The following HEXA variants were observed in gnomAD, a reference collection of about 807,000 sequenced individuals.
HEXA encodes the protein beta-hexosaminidase subunit alpha.
A neutral mutation model predicts 73.3 loss-of-function variants in HEXA; 54 were observed. The observed-to-expected ratio is 0.74, with a 90% CI of 0.59 to 0.92. The LOEUF is 0.92. HEXA is among the 40% of genes least tolerant of loss of function. The pLI is 0.00. For missense variants in HEXA, 649 were observed against 653.0 expected (o/e 0.99, Z 0.07); for synonymous variants, 230 against 246.9 (o/e 0.93, Z 0.64).
Position 72,349,177 on chromosome 15 carries a change from A to G in HEXA, c.888T>C (p.Asn296=), listed in dbSNP as rs752260651. The change falls in exon 8 of 14, where the codon AAT becomes AAC. Residue 296 remains asparagine, a synonymous_variant. Transcript: ENST00000268097. ...AGAATGTGCTCATGAACTCATAGGTATTATTGAGACTGGGATTCACTGGTC... is the reference window on the plus strand; with the variant it reads ...AGAATGTGCTCATGAACTCATAGGTGTTATTGAGACTGGGATTCACTGGTC... The part of the protein sequence containing the change: ...TFGPVNPSLN[N]TYEFMSTFFL... 56 of 1,613,492 alleles carry G rather than the reference A, an allele frequency of 3.5e-5. No homozygotes were observed. Among genetic ancestry groups the G allele is most frequent in the Non-Finnish European group, 4.6e-5 (54 of 1,179,486 alleles).
chr15:72,370,768 G>C (rs2088981647), intron 1 of HEXA: 1 of 394,986 alleles, frequency 2.5e-6, no homozygotes, highest in Admixed American at 4.4e-5. Flanking sequence ...AAGACTGCAG[G>C]CCAAGCTAAT....
Position 72,343,843 on chromosome 15 carries a change from A to C in HEXA, c.*234T>G, listed in dbSNP as rs2088577135. ...TCCAGCCTGGCTGTGCCCTTACCCT[A>C]ACGCCATTCACACTTTTTTTTTTAA... On this transcript the variant is annotated 3_prime_UTR_variant, in exon 14 of 14. Transcript: ENST00000268097. The C allele has an allele frequency of 2.1e-6, 1 of 483,608 alleles. No homozygotes were observed. The highest frequency in any genetic ancestry group is 3.8e-6 in the Non-Finnish European group (1 of 262,900). The allele number at this position is 483,608 out of a possible 1,614,324, so 30.0% of individuals were successfully genotyped here.
intron 3 of HEXA, 91 bp downstream of exon 3, chr15:72,355,468 G>A (rs1051417583): frequency 2.6e-5 from 23 of 894,472 alleles, no homozygotes; most frequent in South Asian, 2.1e-4. Flanking sequence ...AGAGGTTGCA[G>A]TGAGCAGGGA....
rs2088577662 is a variant in HEXA, at chr15:72,343,892, T to C, written c.*185A>G. The stretch of plus-strand genomic sequence containing the variant: ...AAACACAGGTAATCCATGTTTATTA[T>C]AGAAAAATGCCACATTACTCTTTAT... On this transcript the variant is annotated 3_prime_UTR_variant, in exon 14 of 14. Coordinates refer to ENST00000268097, the MANE Select transcript of HEXA (RefSeq NM_000520.6). 1 of 588,198 alleles carries C rather than the reference T, an allele frequency of 1.7e-6. No homozygotes were observed. Among genetic ancestry groups the C allele is most frequent in the Non-Finnish European group, 3.1e-6 (1 of 326,020 alleles). 36.4% of individuals were successfully genotyped at this position (588,198 alleles called of 1,614,324 possible).
In HEXA at chr15:72,353,709, C is replaced by CCAAA; in HGVS notation, c.437_440dup (p.Trp147CysfsTer6). 6.2e-7 allele frequency: 1 copy of CCAAA among 1,613,246 alleles called. No homozygotes were observed. Among genetic ancestry groups the CCAAA allele is most frequent in the Non-Finnish European group, 8.5e-7 (1 of 1,179,198 alleles). On this transcript the variant is annotated frameshift_variant, in exon 4 of 14. Transcript: ENST00000268097. LOFTEE classifies it high-confidence loss of function. ...CACTTACTGTGCCCTCAGCAGATTT[C>CCAAA]CAAACAAGCTGGCTAAAAGTCTCCA...
At position 72,343,924 on chromosome 15, in the gene HEXA, C is replaced by A. The variant is rs868362186; in HGVS notation, c.*153G>T. 4 of 659,114 alleles carry A rather than the reference C, an allele frequency of 6.1e-6. No homozygotes were observed. The Middle Eastern group carries it at 1.2e-3, about 201-fold the overall frequency. The allele number at this position is 659,114 out of a possible 1,614,324, so 40.8% of individuals were successfully genotyped here. ...ATGCCACATTACTCTTTATTGAATGCGAGCGCCAGCACCGGCCCCTTTCTC... is the reference window on the plus strand; with the variant it reads ...ATGCCACATTACTCTTTATTGAATGAGAGCGCCAGCACCGGCCCCTTTCTC... On this transcript the variant is annotated 3_prime_UTR_variant, in exon 14 of 14. Transcript: ENST00000268097.
chr15:72,370,510 G>GT (rs1180020528), intron 1 of HEXA: 7 of 396,048 alleles, frequency 1.8e-5, no homozygotes, highest in African/African-American at 1.0e-4. Context: ...GGGCAACACA[G>GT]TAAGACCCCC....
At position 72,341,789 on chromosome 15, in the gene HEXA, T is replaced by C. The variant is rs1003969835; in HGVS notation, c.*2288A>G. ...GACGACCTTCAGGTAAATGCTCTTA[T>C]GATCAGTGGACCAAAGGAGCAACGG... On this transcript the variant is annotated 3_prime_UTR_variant, in exon 14 of 14. Coordinates refer to ENST00000268097, the MANE Select transcript of HEXA (RefSeq NM_000520.6). The C allele has an allele frequency of 6.6e-6, 1 of 152,186 alleles. No homozygotes were observed. Among genetic ancestry groups the C allele is most frequent in the African/African-American group, 2.4e-5 (1 of 41,436 alleles). 9.4% of individuals were successfully genotyped at this position (152,186 alleles called of 1,614,324 possible). A position where few individuals can be genotyped will look rare whatever the true frequency, so the allele number is the denominator to read the frequency against.
At chr15:72,349,646 G>A (rs545132349) in intron 7 of HEXA, among the ~76,000 whole-genome samples, 1 of 152,360 alleles carries the variant, frequency 6.6e-6, no homozygotes, top group African/African-American at 2.4e-5. Context: ...CCTCCTGTAG[G>A]TGGGGTCAAC....
chr15:72,349,072 C>T lies in HEXA; in HGVS notation c.986+7G>A. The T allele has an allele frequency of 6.2e-7, 1 of 1,611,984 alleles. No individual in the cohort carries two copies. The highest frequency in any genetic ancestry group is 8.5e-7 in the Non-Finnish European group (1 of 1,178,202). The stretch of plus-strand genomic sequence containing the variant: ...AGGCCACAGTGGGAAGATCAAAGGG[C>T]TCATACCAGCAGGTGAAATCAACCT... On this transcript the variant is annotated splice_region_variant and intron_variant, in intron 8 of 13. Coordinates refer to ENST00000268097, the MANE Select transcript of HEXA (RefSeq NM_000520.6).
chr15:72,348,903 C>A (rs1447029866), intron 8 of HEXA, among the ~76,000 whole-genome samples, 176 bp downstream of exon 8: 3 of 152,108 alleles, frequency 2.0e-5, no homozygotes, highest in Non-Finnish European at 4.4e-5. Flanking sequence ...GAAAGCCTTG[C>A]CAAAATCAGG....
chr15:72,352,995 T>G, intron 5 of HEXA, 73 bp downstream of exon 5: 1 of 904,746 alleles, frequency 1.1e-6, no homozygotes, highest in South Asian at 1.3e-5. Flanking sequence ...TTTAAGAATT[T>G]GGAACTTGGT....
chr15:72,346,354 G>C (rs757058366), intron 11 of HEXA, 29 bp from the exon 12 acceptor site: 1 of 1,587,322 alleles, frequency 6.3e-7, no homozygotes, highest in East Asian at 2.2e-5. Context: ...CAACAGTCTG[G>C]TGATGGTGGG....
At chr15:72,373,826 C>G (rs913337114) in intron 1 of HEXA, among the ~76,000 whole-genome samples, 20 of 151,856 alleles carry the variant, frequency 1.3e-4, no homozygotes, top group Non-Finnish European at 2.9e-4. Context: ...TGGTGAAACC[C>G]CATCTCTACT....
In HEXA at chr15:72,353,097, G is replaced by A; in HGVS notation, c.541C>T (p.Leu181=). ...GTGTCCAGGATGCTAGAGAGTGGCA[G>A]GTAATGGCGAGATGTATCCAACAGC... ...GLLLDTSRHY[L]PLSSILDTLD... The change falls in exon 5 of 14, where the codon CTG becomes TTG. Residue 181 remains leucine (L), a synonymous_variant. Transcript: ENST00000268097. 6.2e-7 allele frequency: 1 copy of A among 1,612,602 alleles called. No individual in the cohort carries two copies. Among genetic ancestry groups the A allele is most frequent in the Non-Finnish European group, 8.5e-7 (1 of 1,178,620 alleles).
At chr15:72,347,971 G>T (rs896272985) in intron 9 of HEXA, 77 bp downstream of exon 9, 10 of 1,089,564 alleles carry the variant, frequency 9.2e-6, no homozygotes, top group African/African-American at 7.7e-5. Context: ...GCCAAGCAGG[G>T]CCTGACTCGG....
chr15:72,354,880 C>A (rs1337299711), intron 3 of HEXA: 1 of 153,876 alleles, frequency 6.5e-6, no homozygotes, highest in African/African-American at 2.4e-5. Context: ...ATAGTTTAGC[C>A]AGTAAACTCA....
chr15:72,346,075 A>C, intron 12 of HEXA, 160 bp downstream of exon 12: 1 of 662,746 alleles, frequency 1.5e-6, no homozygotes, highest in South Asian at 1.7e-5. Context: ...TGGAGAGTGA[A>C]TATTGCACAC....
intron 8 of HEXA, 142 bp from the exon 9 acceptor site, chr15:72,348,276 G>A (rs1360815460): frequency 1.4e-6 from 1 of 704,752 alleles, no homozygotes; most frequent in African/African-American, 1.8e-5. Context: ...CCTACATGTG[G>A]AAAGTGTGGC....
Sources: allele counts gnomAD v4.1 joint callset (sites outside exome capture counted in the v4.1 genomes callset), GRCh38; gene constraint gnomAD v4.1.1; transcripts MANE v1.5; gene names NCBI Gene and HGNC (gene_info 2026-07-23, HGNC 2026-07-21).